The following RBFOX1 variants were observed in gnomAD, a reference collection of about 807,000 sequenced individuals.
The protein encoded by RBFOX1 is RNA binding protein fox-1 homolog 1.
A neutral mutation model predicts 57.7 loss-of-function variants in RBFOX1; 8 were observed. The observed-to-expected ratio is 0.14, with a 90% confidence interval of 0.08 to 0.25. RBFOX1 has a LOEUF of 0.25. Ranked by LOEUF, RBFOX1 falls within the 10% of genes least tolerant of loss-of-function variation. The probability of loss-of-function intolerance (pLI) is 1.00; values close to 1 mark genes in which losing one functional copy is unlikely to be tolerated. For synonymous variants in RBFOX1, 326 were observed against 222.4 expected (o/e 1.47, Z -4.15); for missense variants, 611 against 548.5 (o/e 1.11, Z -1.14).
chr16:7,137,883 C>G (rs192506119), intron 4 of RBFOX1, among the ~76,000 whole-genome samples: 1 of 152,230 alleles, frequency 6.6e-6, no homozygotes, highest in East Asian at 1.9e-4. Context: ...CTGTGATTTG[C>G]CAGATATTGT....
intron 3 of RBFOX1, among the ~76,000 whole-genome samples, chr16:5,742,278 CCCTCCCTCCCTTCCTG>C (rs1567477010): frequency 7.1e-6 from 1 of 140,972 alleles, no homozygotes; most frequent in Non-Finnish European, 1.6e-5. Flanking sequence ...CTTTCTTCCT[CCCTCCCTCCCTTCCTG>C]CCTCCCTCCC....
At chr16:7,390,779 T>G (rs1461446395) in intron 4 of RBFOX1, among the ~76,000 whole-genome samples, 1 of 152,214 alleles carries the variant, frequency 6.6e-6, no homozygotes, top group Non-Finnish European at 1.5e-5. Context: ...AAGAGACTAT[T>G]TTCTTTCCAT....
chr16:7,231,699 C>A (rs1270661646), intron 4 of RBFOX1, among the ~76,000 whole-genome samples: 1 of 152,130 alleles, frequency 6.6e-6, no homozygotes, highest in African/African-American at 2.4e-5. Context: ...TCTATCCATA[C>A]AATGAAATAT....
At chr16:5,594,130 G>T (rs185970810) in intron 2 of RBFOX1, among the ~76,000 whole-genome samples, 1 of 152,088 alleles carries the variant, frequency 6.6e-6, no homozygotes, top group East Asian at 1.9e-4. Flanking sequence ...CCCCACCTCT[G>T]ACCCCACACC....
intron 4 of RBFOX1, among the ~76,000 whole-genome samples, chr16:7,075,441 G>C (rs970385114): frequency 6.6e-6 from 1 of 152,140 alleles, no homozygotes; most frequent in Non-Finnish European, 1.5e-5. Flanking sequence ...GGATAAAACA[G>C]TTGCAAGTAT....
chr16:7,241,547 C>G (rs1603435365), intron 4 of RBFOX1, among the ~76,000 whole-genome samples: 1 of 152,058 alleles, frequency 6.6e-6, no homozygotes, highest in South Asian at 2.1e-4. Flanking sequence ...ATGGCAGGAA[C>G]TTTTATGAAT....
At chr16:7,694,422 C>T (rs1354662667) in intron 14 of RBFOX1, among the ~76,000 whole-genome samples, 1 of 152,208 alleles carries the variant, frequency 6.6e-6, no homozygotes, top group African/African-American at 2.4e-5. Context: ...TAGGAACATG[C>T]ACCCAACTAT....
At chr16:6,466,951 A>C (rs891536139) in intron 2 of RBFOX1, among the ~76,000 whole-genome samples, 4 of 151,932 alleles carry the variant, frequency 2.6e-5, no homozygotes, top group African/African-American at 9.7e-5. Flanking sequence ...TCCTTTCTAT[A>C]ATTTAATAAT....
chr16:6,735,871 G>C (rs952303928), intron 3 of RBFOX1, among the ~76,000 whole-genome samples: 14 of 152,034 alleles, frequency 9.2e-5, no homozygotes, highest in African/African-American at 3.4e-4. Flanking sequence ...CCCTCCTTCT[G>C]AGACCTCTGG....
chr16:5,950,089 G>A lies in RBFOX1; in HGVS notation c.351+82754G>A, dbSNP rs76697234. Among the ~76,000 whole-genome samples the A allele has an allele frequency of 6.0e-3, 909 of 152,330 alleles. 8 individuals are homozygous for A. The highest frequency in any genetic ancestry group is 0.021 in the African/African-American group (875 of 41,564). On this transcript the variant is annotated intron_variant, in intron 4 of 19. Transcript: ENST00000641259. The stretch of plus-strand genomic sequence containing the variant: ...GATTTAATCACTTATTTAAGGCAGT[G>A]TCCTCCAGTCTTCTGCAATGTAGAG...
intron 4 of RBFOX1, among the ~76,000 whole-genome samples, chr16:7,448,561 C>T (rs1006868769): frequency 6.6e-5 from 10 of 152,150 alleles, no homozygotes; most frequent in Non-Finnish European, 1.3e-4. Context: ...ATTCAGTTAC[C>T]TCCAACCGGG....
intron 4 of RBFOX1, among the ~76,000 whole-genome samples, chr16:5,983,250 C>T (rs1017795674): frequency 5.9e-5 from 9 of 152,288 alleles, no homozygotes; most frequent in South Asian, 4.2e-4. Context: ...CCATTGTGTG[C>T]GCCACTGAAT....
chr16:7,148,411 C>T (rs2075457147), intron 4 of RBFOX1, among the ~76,000 whole-genome samples: 1 of 152,156 alleles, frequency 6.6e-6, no homozygotes, highest in South Asian at 2.1e-4. Context: ...TTTGAATTTT[C>T]ACCTCATCTT....
At chr16:6,783,777 C>T (rs1294815107) in intron 3 of RBFOX1, among the ~76,000 whole-genome samples, 1 of 151,966 alleles carries the variant, frequency 6.6e-6, no homozygotes. Context: ...ACATTTGTAC[C>T]CCTGTCTTTC....
At chr16:5,633,457 A>G (rs957024609) in intron 3 of RBFOX1, among the ~76,000 whole-genome samples, 7 of 151,964 alleles carry the variant, frequency 4.6e-5, no homozygotes, top group Non-Finnish European at 8.8e-5. Flanking sequence ...TGGAGCAACG[A>G]CTCTCTACCC....
rs139504064 is a variant in RBFOX1 at position 7,436,122 on chromosome 16, A to G, written c.28-82025A>G. ...GTGTAACTCAAGATAGCCTTTTTGG[A>G]GGACAGATTGGAAGTACATTTCCAG... is the stretch of plus-strand genomic sequence containing the variant. On this transcript the variant is annotated intron_variant, in intron 4 of 15. Transcript: ENST00000550418. Among the ~76,000 whole-genome samples, 176 of 152,282 alleles carry G rather than the reference A, an allele frequency of 1.2e-3. 1 individual carries two copies. The highest frequency in any genetic ancestry group is 4.0e-3 in the African/African-American group (165 of 41,570).
At chr16:5,381,702 C>G (rs1002624680) in intron 1 of RBFOX1, among the ~76,000 whole-genome samples, 2 of 152,206 alleles carry the variant, frequency 1.3e-5, no homozygotes, top group African/African-American at 2.4e-5. Flanking sequence ...ATAGCAAGAG[C>G]CTGTTGAATG....
intron 2 of RBFOX1, among the ~76,000 whole-genome samples, chr16:6,439,515 C>G (rs574257421): frequency 6.6e-6 from 1 of 152,300 alleles, no homozygotes; most frequent in African/African-American, 2.4e-5. Flanking sequence ...CCCCTTTCCT[C>G]ATGCCTCCTG....
chr16:5,642,349 G>A (rs2048908589), intron 3 of RBFOX1, among the ~76,000 whole-genome samples: 1 of 152,206 alleles, frequency 6.6e-6, no homozygotes, highest in African/African-American at 2.4e-5. Context: ...ATCCATGCGA[G>A]ATCAAAATCC....
Sources: gnomAD v4.1 joint callset for allele counts (sites outside exome capture counted in the v4.1 genomes callset) on GRCh38, gnomAD v4.1.1 for gene constraint, MANE v1.5 for transcripts, NCBI Gene and HGNC (gene_info 2026-07-23, HGNC 2026-07-21) for gene names.